The following KIAA1549L variants were observed in gnomAD, a reference collection of about 807,000 sequenced individuals.
The protein encoded by KIAA1549L is UPF0606 protein KIAA1549L.
In KIAA1549L, 88 loss-of-function variants were observed where a neutral mutation model predicts 160.7. The observed-to-expected ratio is 0.55, with a 90% CI of 0.46 to 0.65. KIAA1549L has a LOEUF of 0.65. Ranked by LOEUF, KIAA1549L falls within the 30% of genes least tolerant of loss-of-function variation. KIAA1549L has a pLI of 0.00. For synonymous variants in KIAA1549L, 950 were observed against 976.7 expected (o/e 0.97, Z 0.51); for missense variants, 2,258 against 2,437.5 (o/e 0.93, Z 1.55).
intron 17 of KIAA1549L, among the ~76,000 whole-genome samples, chr11:33,649,468 C>G (rs1029335493): frequency 6.7e-5 from 10 of 148,322 alleles, no homozygotes; most frequent in Non-Finnish European, 1.5e-4. Flanking sequence ...CCATTGTACT[C>G]CAGCCTGGGT....
chr11:33,579,429 CTTTCCATCTTCATTAG>C (rs1255498216), intron 10 of KIAA1549L, among the ~76,000 whole-genome samples: 1 of 152,198 alleles, frequency 6.6e-6, no homozygotes, highest in African/African-American at 2.4e-5. Context: ...CTCCAGTCCC[CTTTCCATCTTCATTAG>C]TTGCACCCTC....
In KIAA1549L at chr11:33,485,608, A is replaced by G. The variant is rs146264162; in HGVS notation, c.239-56194A>G. Among the ~76,000 whole-genome samples the G allele has an allele frequency of 1.1e-4, 16 of 152,320 alleles. No homozygotes were observed. In the East Asian group the frequency reaches 2.7e-3, roughly 26 times the overall value. ...ATGACTAGATAAAGCTAATTAACAT[A>G]TCAGTTACCTCACATTTTTATCATT... On this transcript the variant is annotated intron_variant, in intron 1 of 20. Transcript: ENST00000658780.
chr11:33,493,937 G>A (rs907239796), intron 1 of KIAA1549L, among the ~76,000 whole-genome samples: 11 of 152,134 alleles, frequency 7.2e-5, no homozygotes, highest in African/African-American at 2.4e-4. Flanking sequence ...CCTATCCCAG[G>A]GCAATTAAAC....
chr11:33,505,057 C>T (rs1853048377), intron 1 of KIAA1549L, among the ~76,000 whole-genome samples: 1 of 152,242 alleles, frequency 6.6e-6, no homozygotes, highest in Non-Finnish European at 1.5e-5. Flanking sequence ...TGAGCCACCA[C>T]ACCTGGCCGA....
chr11:33,473,052 G>A (rs545911427), intron 1 of KIAA1549L, among the ~76,000 whole-genome samples: 4 of 152,188 alleles, frequency 2.6e-5, no homozygotes, highest in African/African-American at 4.8e-5. Flanking sequence ...AGAAACATTT[G>A]TTGGAAGAGT....
At position 33,583,354 on chromosome 11, in the gene KIAA1549L, G is replaced by A. The variant is rs377062292; in HGVS notation, c.4419G>A (p.Pro1473=). The A allele has an allele frequency of 2.6e-4, 412 of 1,605,434 alleles. No homozygotes were observed. Among genetic ancestry groups the A allele is most frequent in the Middle Eastern group, 6.6e-4 (4 of 6,024 alleles). Residue 1473 remains proline (P), a synonymous_variant, in exon 11 of 21, where the codon CCG becomes CCA. Transcript: ENST00000658780. ...LLQADPVVKN[P]PNNLWIIAAV... The stretch of plus-strand genomic sequence containing the variant: ...TTCCCACAGCCGTGGTGAAGAACCC[G>A]CCCAATAACCTGTGGATCATCGCTG...
intron 1 of KIAA1549L, among the ~76,000 whole-genome samples, chr11:33,471,006 A>G (rs1202419812): frequency 6.6e-6 from 1 of 151,756 alleles, no homozygotes; most frequent in African/African-American, 2.4e-5. Context: ...TTTTTTTAAG[A>G]GACTAAATTT....
intron 17 of KIAA1549L, among the ~76,000 whole-genome samples, chr11:33,646,624 T>C (rs1001542946): frequency 1.3e-5 from 2 of 152,214 alleles, no homozygotes; most frequent in African/African-American, 4.8e-5. Context: ...TAAAAGACTC[T>C]GCAAAAATCA....
rs146519028 is a variant in KIAA1549L, at chr11:33,396,714, G to A, written c.238+19825G>A. On this transcript the variant is annotated intron_variant, in intron 1 of 20. Coordinates refer to ENST00000658780, the MANE Select transcript of KIAA1549L (RefSeq NM_012194.3). ...GGTCATGGTAGCTAGCACTTTGGGAGGCTAAGGCAGGTGGATCACCTGAGG... is the reference window on the plus strand; with the variant it reads ...GGTCATGGTAGCTAGCACTTTGGGAAGCTAAGGCAGGTGGATCACCTGAGG... Among the ~76,000 whole-genome samples the A allele has an allele frequency of 4.5e-3, 683 of 152,034 alleles. 1 individual carries two copies. The highest frequency in any genetic ancestry group is 0.016 in the African/African-American group (657 of 41,440).
intron 1 of KIAA1549L, among the ~76,000 whole-genome samples, chr11:33,435,943 C>T (rs1851370295): frequency 2.3e-5 from 3 of 131,330 alleles, no homozygotes; most frequent in Non-Finnish European, 3.1e-5. Context: ...ATTCAACCAA[C>T]TTCAGAGCTA....
At chr11:33,380,321 C>G (rs1850049094) in intron 1 of KIAA1549L, among the ~76,000 whole-genome samples, 1 of 152,144 alleles carries the variant, frequency 6.6e-6, no homozygotes, top group Non-Finnish European at 1.5e-5. Flanking sequence ...TCCTGCTTGG[C>G]TGTTTCTGTT....
At chr11:33,545,535 C>A (rs999614116) in intron 3 of KIAA1549L, among the ~76,000 whole-genome samples, 157 bp downstream of exon 3, 2 of 152,176 alleles carry the variant, frequency 1.3e-5, no homozygotes, top group African/African-American at 4.8e-5. Context: ...GGTTGTTATG[C>A]TTGATGGCTG....
intron 16 of KIAA1549L, among the ~76,000 whole-genome samples, chr11:33,641,951 A>C (rs1381492780): frequency 3.3e-5 from 5 of 152,060 alleles, no homozygotes; most frequent in African/African-American, 1.2e-4. Flanking sequence ...TATTGTATCC[A>C]TCACCCCCAA....
At chr11:33,441,851 T>G (rs1353754272) in intron 1 of KIAA1549L, among the ~76,000 whole-genome samples, 5 of 152,208 alleles carry the variant, frequency 3.3e-5, no homozygotes, top group Admixed American at 3.3e-4. Flanking sequence ...TTGCGAAAAT[T>G]TTCTCCCATT....
chr11:33,489,448 A>G (rs1388551316), intron 1 of KIAA1549L, among the ~76,000 whole-genome samples: 1 of 152,214 alleles, frequency 6.6e-6, no homozygotes, highest in Non-Finnish European at 1.5e-5. Flanking sequence ...CATCATGTTG[A>G]GAGTTAGGGC....
chr11:33,638,466 CATCT>C (rs1273975755), intron 16 of KIAA1549L, among the ~76,000 whole-genome samples: 2 of 150,324 alleles, frequency 1.3e-5, no homozygotes, highest in African/African-American at 2.4e-5. Context: ...ATAAAATACT[CATCT>C]ATGAGTATTT....
Position 33,634,060 on chromosome 11 carries a change from T to C in KIAA1549L, c.5410-11626T>C, listed in dbSNP as rs574655361. On this transcript the variant is annotated intron_variant, in intron 16 of 20. Transcript: ENST00000658780. ...GTTTTTGTTGTTGTTGTTGTTGTTT[T>C]GAGACAGAGTCTCATTCTGTCGCCC... 5.3e-5 allele frequency among the ~76,000 whole-genome samples: 8 copies of C among 152,318 alleles called. No homozygotes were observed. In the East Asian group the frequency reaches 1.3e-3, roughly 26 times the overall value.
In KIAA1549L at chr11:33,661,014, G is replaced by A. The variant is rs200426669; in HGVS notation, c.6159G>A (p.Ser2053=). The part of the protein sequence containing the change: ...ENELPSQWAD[S]VPLPGYIEAY... ...AGCTCCCGAGCCAGTGGGCAGATTC[G>A]GTGAGACCCTTGCTCTTCACCTCAT... is the stretch of plus-strand genomic sequence containing the variant. Residue 2053 remains serine (S), a splice_region_variant and synonymous_variant, in exon 20 of 21, where the codon TCG becomes TCA. Transcript: ENST00000658780. 148 of 1,606,986 alleles carry A rather than the reference G, an allele frequency of 9.2e-5. No homozygotes were observed. The African/African-American group carries it at 1.7e-3, about 18-fold the overall frequency.
At chr11:33,595,924 G>A (rs1850186688) in intron 12 of KIAA1549L, among the ~76,000 whole-genome samples, 2 of 152,102 alleles carry the variant, frequency 1.3e-5, no homozygotes, top group Non-Finnish European at 2.9e-5. Flanking sequence ...TGGGTGTTCT[G>A]CGTCCTTTTC....
Sources: allele counts gnomAD v4.1 joint callset (sites outside exome capture counted in the v4.1 genomes callset), GRCh38; gene constraint gnomAD v4.1.1; transcripts MANE v1.5; gene names NCBI Gene and HGNC (gene_info 2026-07-23, HGNC 2026-07-21).